The following ANO1 variants were observed in gnomAD, a reference collection of about 807,000 sequenced individuals.
ANO1 encodes anoctamin 1.
A neutral mutation model predicts 124.0 loss-of-function variants in ANO1; 59 were observed. The ratio of observed to expected loss-of-function variants is 0.48; its 90% CI spans 0.39 to 0.59. The LOEUF (loss-of-function observed/expected upper bound fraction) is 0.59, where lower values mean the gene tolerates loss of function less well. ANO1 is among the 20% of genes least tolerant of loss of function. The pLI, the probability that ANO1 is intolerant of heterozygous loss-of-function variation, is 0.00. For synonymous variants in ANO1, 529 were observed against 532.0 expected, an observed-to-expected ratio of 0.99 and a Z score of 0.08; for missense variants, 1,059 against 1,328.0, an observed-to-expected ratio of 0.80 and a Z score of 3.15.
intron 16 of ANO1, among the ~76,000 whole-genome samples, chr11:70,157,631 G>A (rs1194444579): frequency 3.3e-5 from 5 of 152,142 alleles, no homozygotes; most frequent in African/African-American, 1.2e-4. Context: ...AATTATTTGA[G>A]TATCTAGTAA....
Position 70,161,743 on chromosome 11 carries a change from T to C in ANO1, c.1892+10T>C. 6.2e-7 allele frequency: 1 copy of C among 1,612,524 alleles called. No homozygotes were observed. The highest frequency in any genetic ancestry group is 8.5e-7 in the Non-Finnish European group (1 of 1,178,524). On this transcript the variant is annotated intron_variant, in intron 18 of 25. Transcript: ENST00000355303. ...CGTTCTTCAAAGGCCGGTAGGGACA[T>C]CTTCAGCCTTTCCCCAACCTCGCTT... is the stretch of plus-strand genomic sequence containing the variant.
the ANO1 span, among the ~76,000 whole-genome samples, chr11:69,966,084 G>T: frequency 6.6e-5 from 10 of 152,180 alleles, no homozygotes; most frequent in Non-Finnish European, 1.5e-4. Flanking sequence ...AGGAGGTTAA[G>T]CACCTGACAC....
At chr11:69,996,953 A>C (rs781865306) in intron 1 of ANO1, among the ~76,000 whole-genome samples, 4 of 152,178 alleles carry the variant, frequency 2.6e-5, no homozygotes, top group Non-Finnish European at 5.9e-5. Context: ...CAAAGATCCC[A>C]GGGTGTGGGG....
At chr11:69,996,029 T>A (rs1297797254) in intron 1 of ANO1, among the ~76,000 whole-genome samples, 1 of 152,192 alleles carries the variant, frequency 6.6e-6, no homozygotes, top group East Asian at 1.9e-4. Context: ...GAGAATCGCT[T>A]GAACCCAGGA....
At chr11:70,010,179 G>GTGTGTGTATATA in intron 1 of ANO1, among the ~76,000 whole-genome samples, 6 of 83,776 alleles carry the variant, frequency 7.2e-5, no homozygotes, top group Admixed American at 1.3e-4. Context: ...GTGTGTGTGT[G>GTGTGTGTATATA]TATATATATA....
chr11:70,060,468 C>T (rs1412233193), intron 1 of ANO1, among the ~76,000 whole-genome samples: 2 of 152,158 alleles, frequency 1.3e-5, no homozygotes, highest in Non-Finnish European at 1.5e-5. Context: ...GAAACACAGT[C>T]GTGTGGTTCA....
chr11:70,093,188 CTT>C (rs1487593815), intron 2 of ANO1, among the ~76,000 whole-genome samples: 1 of 150,970 alleles, frequency 6.6e-6, no homozygotes, highest in Non-Finnish European at 1.5e-5. Context: ...CCCTTTCTCT[CTT>C]CTCTCTCTCC....
At chr11:70,057,038 A>G (rs986736308) in intron 1 of ANO1, among the ~76,000 whole-genome samples, 3 of 152,278 alleles carry the variant, frequency 2.0e-5, no homozygotes, top group South Asian at 2.1e-4. Flanking sequence ...TATTCATCAT[A>G]TTAACAGATG....
At chr11:70,067,602 A>G (rs10897800) in intron 1 of ANO1, among the ~76,000 whole-genome samples, 23,206 of 152,150 alleles carry the variant, frequency 0.15, 2,081 homozygotes, top group African/African-American at 0.24. Context: ...AGTTGGGATT[A>G]CAGGCATGAG....
intron 1 of ANO1, 72 bp from the exon 2 acceptor site, chr11:70,087,680 G>T: frequency 7.2e-7 from 1 of 1,382,384 alleles, no homozygotes; most frequent in South Asian, 1.5e-5. Context: ...TGGATGAAGG[G>T]AGCAGCGCAC....
At chr11:70,013,804 AAAAAGAAAAGAAAAG>A (rs142729507) in intron 1 of ANO1, among the ~76,000 whole-genome samples, 2 of 130,416 alleles carry the variant, frequency 1.5e-5, no homozygotes, top group African/African-American at 6.1e-5. Context: ...TCCATCTAAA[AAAAAGAAAAGAAAAG>A]AAAAGAAAAA....
the ANO1 span, among the ~76,000 whole-genome samples, chr11:69,976,553 A>AAG: frequency 0.033 from 2,871 of 85,910 alleles, 415 homozygotes; most frequent in African/African-American, 0.1. Flanking sequence ...AAAAAAAAAA[A>AAG]AGAGAGAGAG....
At chr11:70,123,369 G>A (rs1156889295) in intron 8 of ANO1, among the ~76,000 whole-genome samples, 1 of 152,188 alleles carries the variant, frequency 6.6e-6, no homozygotes, top group Non-Finnish European at 1.5e-5. Flanking sequence ...GTCAGTGGGG[G>A]GTCTCTATAG....
intron 6 of ANO1, among the ~76,000 whole-genome samples, chr11:70,109,758 C>T (rs999167907): frequency 6.6e-6 from 1 of 152,156 alleles, no homozygotes; most frequent in African/African-American, 2.4e-5. Flanking sequence ...CAATAGAAGT[C>T]CAGCGTCTTC....
At chr11:70,065,855 T>C (rs1406028876) in intron 1 of ANO1, among the ~76,000 whole-genome samples, 1 of 152,140 alleles carries the variant, frequency 6.6e-6, no homozygotes, top group East Asian at 1.9e-4. Flanking sequence ...TGCTCAGATG[T>C]CACTTCCCCG....
chr11:70,177,535 C>T (rs1376562164), intron 22 of ANO1, among the ~76,000 whole-genome samples: 2 of 151,762 alleles, frequency 1.3e-5, no homozygotes, highest in African/African-American at 2.4e-5. Context: ...GCCAAGGAGA[C>T]GCACCAGCCA....
At position 70,161,377 on chromosome 11, in the gene ANO1, T is replaced by C; in HGVS notation, c.1780+15T>C. 4 of 1,613,122 alleles carry C rather than the reference T, an allele frequency of 2.5e-6. No individual in the cohort carries two copies. The South Asian group carries it at 4.4e-5, about 18-fold the overall frequency. On this transcript the variant is annotated intron_variant, in intron 17 of 25. Coordinates refer to ENST00000355303, the MANE Select transcript of ANO1 (RefSeq NM_018043.7). ...CACCAAGATCGGTGAGTGCCCATGTTCCAGGTACTGTGGCCTGGACTCAGG... is the reference window on the plus strand; with the variant it reads ...CACCAAGATCGGTGAGTGCCCATGTCCCAGGTACTGTGGCCTGGACTCAGG...
intron 18 of ANO1, among the ~76,000 whole-genome samples, chr11:70,163,033 A>G (rs916725275): frequency 1.3e-5 from 2 of 152,316 alleles, no homozygotes; most frequent in South Asian, 4.1e-4. Context: ...GCTGCCTCTC[A>G]GTCTCGTGGC....
chr11:70,017,194 C>A (rs1297287382), intron 1 of ANO1, among the ~76,000 whole-genome samples: 3 of 152,280 alleles, frequency 2.0e-5, no homozygotes, highest in Non-Finnish European at 4.4e-5. Flanking sequence ...GCGGTCCGAA[C>A]AAAGGCCAGA....
Sources: gnomAD v4.1 joint callset for allele counts (sites outside exome capture counted in the v4.1 genomes callset) on GRCh38, gnomAD v4.1.1 for gene constraint, MANE v1.5 for transcripts, NCBI Gene and HGNC (gene_info 2026-07-23, HGNC 2026-07-21) for gene names.